SCN3A: variants seen among roughly 807,000 people sequenced by gnomAD.
SCN3A encodes the protein sodium voltage-gated channel alpha subunit 3.
A neutral mutation model predicts 187.6 loss-of-function variants in SCN3A; 60 were observed. The observed-to-expected ratio is 0.32, with a 90% CI of 0.26 to 0.40. The LOEUF is 0.40. SCN3A is among the 10% of genes least tolerant of loss of function. SCN3A has a pLI of 1.00. For missense variants in SCN3A, 1,601 were observed against 2,428.2 expected, an observed-to-expected ratio of 0.66 and a Z score of 7.16; for synonymous variants, 788 against 829.2, an observed-to-expected ratio of 0.95 and a Z score of 0.85.
At chr2:165,198,758 G>C (rs1574362213) in intron 1 of SCN3A, among the ~76,000 whole-genome samples, 1 of 151,986 alleles carries the variant, frequency 6.6e-6, no homozygotes, top group South Asian at 2.1e-4. Context: ...TATTATTTAA[G>C]GTCATGACCA....
rs1322671030 is a variant in SCN3A at position 165,113,868 on chromosome 2, T to A, written c.3617A>T (p.Asn1206Ile). Reference protein sequence around the residue: ...RKTCYSIVEHNWFETFIVFMI... With the variant: ...RKTCYSIVEHIWFETFIVFMI... ...GAACACAATGAAAGTCTCAAACCAG[T>A]TGTGCTCAACAATACTGTAGCAGGT... The change falls in exon 20 of 28, where the codon AAC becomes ATC. Residue 1206 changes from asparagine (N) to isoleucine (I), a missense_variant. By Grantham distance (149) the Asn-to-Ile change is moderately radical (BLOSUM62 -3). Around this residue, in one of 11 missense-constraint regions of SCN3A, gnomAD observed 267 missense variants for 313.2 expected, o/e 0.85. Coordinates refer to ENST00000283254, the MANE Select transcript of SCN3A (RefSeq NM_006922.4). 1 of 1,614,014 alleles carries A rather than the reference T, an allele frequency of 6.2e-7. No homozygotes were observed. The highest frequency in any genetic ancestry group is 1.7e-5 in the Admixed American group (1 of 60,014).
intron 10 of SCN3A, among the ~76,000 whole-genome samples, chr2:165,155,285 T>G (rs1278814171): frequency 1.3e-5 from 2 of 152,132 alleles, no homozygotes; most frequent in Non-Finnish European, 2.9e-5. Context: ...ACACTTGCTT[T>G]ATGTTGGACC....
At chr2:165,181,197 T>C (rs1239830500) in intron 2 of SCN3A, among the ~76,000 whole-genome samples, 2 of 152,322 alleles carry the variant, frequency 1.3e-5, no homozygotes, top group East Asian at 3.9e-4. Flanking sequence ...TTGAAATATA[T>C]GAAGAGAATT....
chr2:165,094,438 T>A lies in SCN3A; in HGVS notation c.4472A>T (p.Lys1491Ile). The A allele has an allele frequency of 6.2e-7, 1 of 1,613,734 alleles. No homozygotes were observed. Among genetic ancestry groups the A allele is most frequent in the Non-Finnish European group, 8.5e-7 (1 of 1,179,752 alleles). The change falls in exon 26 of 28, where the codon AAA becomes ATA. Residue 1491 changes from lysine to isoleucine, a missense_variant. Around this residue, in one of 11 missense-constraint regions of SCN3A, gnomAD observed 320 missense variants for 623.2 expected, o/e 0.51. Coordinates refer to ENST00000283254, the MANE Select transcript of SCN3A (RefSeq NM_006922.4). ...QDIFMTEEQK[K>I]YYNAMKKLGS... ...AAGTTTCTTCATTGCATTGTAATAT[T>A]TTTTCTGTTCCTCTGTCATAAAGAT...
chr2:165,189,618 G>A (rs558272187), intron 1 of SCN3A, among the ~76,000 whole-genome samples: 13 of 152,160 alleles, frequency 8.5e-5, no homozygotes, highest in Non-Finnish European at 1.5e-4. Context: ...TTCTTAACCC[G>A]TTTCTACTTA....
At chr2:165,139,756 AAC>A in intron 13 of SCN3A, 148 bp from the exon 14 acceptor site, 1 of 1,008,834 alleles carries the variant, frequency 9.9e-7, no homozygotes, top group Non-Finnish European at 1.5e-6. Context: ...CTAAGTTATA[AAC>A]AGTTTTTTTT....
intron 15 of SCN3A, among the ~76,000 whole-genome samples, chr2:165,132,661 C>A (rs1210580282): frequency 6.6e-6 from 1 of 152,082 alleles, no homozygotes; most frequent in Admixed American, 6.5e-5. Flanking sequence ...AAAGTTAGAC[C>A]TAAAGCCATA....
chr2:165,092,668 T>A lies in SCN3A; in HGVS notation c.4537-144A>T, dbSNP rs78656105. 1 of 764,892 alleles carries A rather than the reference T, an allele frequency of 1.3e-6. No individual in the cohort carries two copies. The highest frequency in any genetic ancestry group is 3.3e-4 in the Middle Eastern group (1 of 3,054). The allele number at this position is 764,892 out of a possible 1,614,324, so 47.4% of individuals were successfully genotyped here. The stretch of plus-strand genomic sequence containing the variant: ...CCCAAACAATTTTGTGTGCTTTTTT[T>A]CTCTTCATGTTAAAAAAAATGGAAA... On this transcript the variant is annotated intron_variant, in intron 26 of 27. Coordinates refer to ENST00000283254, the MANE Select transcript of SCN3A (RefSeq NM_006922.4). This position sits in a 1 kb window ranked among gnomAD's most constrained non-coding sequence, Gnocchi z 4.2.
chr2:165,177,278 A>C (rs923678004), intron 2 of SCN3A, among the ~76,000 whole-genome samples: 5 of 152,128 alleles, frequency 3.3e-5, no homozygotes, highest in Admixed American at 3.3e-4. Context: ...CAGGTGCTAC[A>C]CTGTCCGTTC....
intron 15 of SCN3A, among the ~76,000 whole-genome samples, chr2:165,132,416 C>T (rs1018909867): frequency 2.0e-5 from 3 of 152,194 alleles, no homozygotes; most frequent in African/African-American, 7.2e-5. Context: ...CAGCATGGTA[C>T]TTGTACCAAA....
intron 18 of SCN3A, among the ~76,000 whole-genome samples, chr2:165,120,437 T>G (rs1686597795): frequency 6.6e-6 from 1 of 151,820 alleles, no homozygotes; most frequent in South Asian, 2.1e-4. Context: ...CTTTCAGAGA[T>G]AGAAGAGAAT....
rs1053177999 is a variant in SCN3A at position 165,095,271 on chromosome 2, C to T, written c.4431+240G>A. ...AAGCCAAGCTAAAGCACTGGAGACCCGTTGGATGGGTCCGAAGGAGTGGAC... is the reference window on the plus strand; with the variant it reads ...AAGCCAAGCTAAAGCACTGGAGACCTGTTGGATGGGTCCGAAGGAGTGGAC... On this transcript the variant is annotated intron_variant, in intron 25 of 27. Transcript: ENST00000283254. Among the ~76,000 whole-genome samples the T allele has an allele frequency of 2.6e-5, 4 of 152,062 alleles. No homozygotes were observed. In the East Asian group the frequency reaches 5.8e-4, roughly 22 times the overall value.
rs766538696 is a variant in SCN3A, at chr2:165,095,497, T to C, written c.4431+14A>G. 6.2e-7 allele frequency: 1 copy of C among 1,610,582 alleles called. No homozygotes were observed. Among genetic ancestry groups the C allele is most frequent in the Non-Finnish European group, 8.5e-7 (1 of 1,177,320 alleles). The stretch of plus-strand genomic sequence containing the variant: ...CCCCAGAATGAAGAAAGGTAAAAGC[T>C]AAAGAATACTTATCTTCTTTTTCTG... On this transcript the variant is annotated intron_variant, in intron 25 of 27. Coordinates refer to ENST00000283254, the MANE Select transcript of SCN3A (RefSeq NM_006922.4).
chr2:165,116,943 A>ATTTTTTTTTTTTTTTTTTTTTTTTTTT (rs11395597), intron 18 of SCN3A, among the ~76,000 whole-genome samples: 1 of 118,208 alleles, frequency 8.5e-6, no homozygotes, highest in African/African-American at 3.2e-5. Context: ...TGATAGCACA[A>ATTTTTTTTTTTTTTTTTTTTTTTTTTT]TTTTTTTTTT....
intron 21 of SCN3A, among the ~76,000 whole-genome samples, chr2:165,111,515 A>G (rs1686115749): frequency 6.8e-6 from 1 of 146,894 alleles, no homozygotes; most frequent in South Asian, 2.1e-4. Flanking sequence ...ACACACACAC[A>G]CACACACACA....
At chr2:165,200,806 A>G (rs1692270612) in intron 1 of SCN3A, among the ~76,000 whole-genome samples, 1 of 152,070 alleles carries the variant, frequency 6.6e-6, no homozygotes, top group African/African-American at 2.4e-5. Context: ...CCAGTAGCAC[A>G]CAGCTGTCAG....
intron 16 of SCN3A, 128 bp from the exon 17 acceptor site, chr2:165,130,424 C>G: frequency 2.1e-6 from 2 of 937,136 alleles, no homozygotes; most frequent in South Asian, 1.5e-5. Context: ...TGAACTGATT[C>G]AATTTCAAAT....
At chr2:165,190,068 T>C (rs1691491773) in intron 1 of SCN3A, among the ~76,000 whole-genome samples, 2 of 152,204 alleles carry the variant, frequency 1.3e-5, no homozygotes, top group South Asian at 2.1e-4. Context: ...GGGAATGTGG[T>C]TGGCTTTTCA....
chr2:165,113,934 G>A lies in SCN3A; in HGVS notation c.3551C>T (p.Thr1184Ile). The A allele has an allele frequency of 1.2e-6, 2 of 1,611,238 alleles. No individual in the cohort carries two copies. Among genetic ancestry groups the A allele is most frequent in the Non-Finnish European group, 1.7e-6 (2 of 1,177,788 alleles). ...CCAGATCTTCCCTTTGCCTTCTTCT[G>A]TACTTACTTGACAGAATGGAAACTT... ...IKKFPFCQVS[T>I]EEGKGKIWWN... The change falls in exon 20 of 28, where the codon ACA becomes ATA. Residue 1184 changes from threonine (T) to isoleucine (I), a missense_variant. Transcript: ENST00000283254.
Sources: gnomAD v4.1 joint callset for allele counts (sites outside exome capture counted in the v4.1 genomes callset) on GRCh38, gnomAD v4.1.1 for gene constraint, gnomAD v4.1.1 regional missense constraint, Gnocchi (gnomAD v3.1) non-coding constraint, MANE v1.5 for transcripts, NCBI Gene and HGNC (gene_info 2026-07-23, HGNC 2026-07-21) for gene names.